The following TENM4 variants were observed in gnomAD, a reference collection of about 807,000 sequenced individuals.
The protein encoded by TENM4 is teneurin transmembrane protein 4, also known as teneurin-4.
TENM4 carries 82 observed loss-of-function variants against 243.3 expected under a neutral mutation model. The ratio of observed to expected loss-of-function variants is 0.34; its 90% CI spans 0.28 to 0.40. TENM4 has a LOEUF of 0.40. Among genes scored for constraint, TENM4 ranks in the 10% least tolerant of loss-of-function variants. TENM4 has a pLI of 1.00. For missense variants in TENM4, 3,138 were observed against 3,673.3 expected, an observed-to-expected ratio of 0.85 and a Z score of 3.77; for synonymous variants, 1,412 against 1,456.3, an observed-to-expected ratio of 0.97 and a Z score of 0.69.
chr11:78,822,618 T>C (rs989157979), intron 12 of TENM4, among the ~76,000 whole-genome samples: 1 of 152,174 alleles, frequency 6.6e-6, no homozygotes, highest in Middle Eastern at 3.4e-3. Context: ...TTAAGGCATG[T>C]GGGGCTTAAT....
chr11:79,172,381 T>C (rs1476821591), intron 3 of TENM4, among the ~76,000 whole-genome samples: 2 of 152,194 alleles, frequency 1.3e-5, no homozygotes, highest in African/African-American at 4.8e-5. Context: ...ATTCATTCAC[T>C]TATCCATTTA....
At chr11:79,141,211 C>T (rs1012817836) in intron 4 of TENM4, among the ~76,000 whole-genome samples, 6 of 151,956 alleles carry the variant, frequency 3.9e-5, no homozygotes, top group African/African-American at 9.7e-5. Flanking sequence ...ATTAAATCAG[C>T]GGCTCTTATT....
At chr11:78,839,121 T>C (rs1248062393) in intron 12 of TENM4, among the ~76,000 whole-genome samples, 1 of 152,224 alleles carries the variant, frequency 6.6e-6, no homozygotes, top group Non-Finnish European at 1.5e-5. Context: ...CCTTTCATGA[T>C]TCTTCTTCCT....
intron 2 of TENM4, among the ~76,000 whole-genome samples, chr11:79,253,944 T>A (rs1291359305): frequency 6.6e-6 from 1 of 152,180 alleles, no homozygotes; most frequent in Non-Finnish European, 1.5e-5. Flanking sequence ...TTGGTCACAC[T>A]GATAGTTAAA....
intron 6 of TENM4, among the ~76,000 whole-genome samples, chr11:79,033,770 A>G (rs959571875): frequency 2.0e-5 from 3 of 152,244 alleles, no homozygotes; most frequent in Non-Finnish European, 4.4e-5. Flanking sequence ...CTAAGCAAAT[A>G]TAAATAAATA....
chr11:79,115,787 C>A (rs1261773247), intron 4 of TENM4, among the ~76,000 whole-genome samples: 1 of 152,216 alleles, frequency 6.6e-6, no homozygotes, highest in Non-Finnish European at 1.5e-5. Context: ...GCCCAAGGGC[C>A]TTCAGTAGCA....
intron 1 of TENM4, among the ~76,000 whole-genome samples, chr11:79,318,899 G>A (rs1404391095): frequency 6.6e-6 from 1 of 152,154 alleles, no homozygotes; most frequent in Non-Finnish European, 1.5e-5. Context: ...GAGGAAGTGG[G>A]TGATCTGACT....
chr11:78,996,055 C>T (rs1357602985), intron 6 of TENM4, among the ~76,000 whole-genome samples: 2 of 152,192 alleles, frequency 1.3e-5, no homozygotes, highest in Non-Finnish European at 2.9e-5. Flanking sequence ...GCAAGGAGGA[C>T]TGTTTCCTTA....
At chr11:78,713,901 T>A (rs1335207913) in intron 25 of TENM4, among the ~76,000 whole-genome samples, 1 of 152,148 alleles carries the variant, frequency 6.6e-6, no homozygotes, top group Non-Finnish European at 1.5e-5. Flanking sequence ...TAATTTTAAG[T>A]TCCTGTGCAT....
chr11:79,286,635 C>T (rs1590852484), intron 2 of TENM4, among the ~76,000 whole-genome samples: 1 of 152,076 alleles, frequency 6.6e-6, no homozygotes, highest in East Asian at 1.9e-4. Flanking sequence ...TGCCACGGCA[C>T]TCCAGCCTGG....
At chr11:78,878,459 G>T (rs1047003805) in intron 9 of TENM4, among the ~76,000 whole-genome samples, 3 of 152,220 alleles carry the variant, frequency 2.0e-5, no homozygotes, top group Non-Finnish European at 4.4e-5. Flanking sequence ...AGCAGGAGAG[G>T]CTCACAGATG....
chr11:78,881,386 G>A (rs1213623687), intron 9 of TENM4, among the ~76,000 whole-genome samples: 1 of 152,178 alleles, frequency 6.6e-6, no homozygotes, highest in Admixed American at 6.5e-5. Flanking sequence ...GGTTGTCAGG[G>A]TGGGAAGAGA....
At chr11:79,416,730 A>G (rs991777082) in intron 1 of TENM4, among the ~76,000 whole-genome samples, 1 of 152,170 alleles carries the variant, frequency 6.6e-6, no homozygotes, top group Non-Finnish European at 1.5e-5. Context: ...TCAAGTCACA[A>G]ATTAATTGGT....
At chr11:78,788,923 C>A (rs980634539) in intron 15 of TENM4, among the ~76,000 whole-genome samples, 1 of 152,150 alleles carries the variant, frequency 6.6e-6, no homozygotes, top group African/African-American at 2.4e-5. Context: ...TAATCTACCC[C>A]CAAGACCTGG....
chr11:79,364,602 C>G (rs1429003240), intron 1 of TENM4, among the ~76,000 whole-genome samples: 2 of 152,162 alleles, frequency 1.3e-5, no homozygotes, highest in Non-Finnish European at 2.9e-5. Flanking sequence ...AAATAATGAG[C>G]ACTTATTAAA....
intron 12 of TENM4, among the ~76,000 whole-genome samples, chr11:78,849,441 A>G (rs1858480088): frequency 6.6e-6 from 1 of 152,224 alleles, no homozygotes; most frequent in African/African-American, 2.4e-5. Context: ...GGGCTAGTCA[A>G]CCAAGCTTTC....
chr11:78,813,626 C>G (rs554940600), intron 13 of TENM4, among the ~76,000 whole-genome samples: 30 of 152,338 alleles, frequency 2.0e-4, no homozygotes, highest in Admixed American at 2.0e-3. Flanking sequence ...GCCAAATTAT[C>G]AGGACTGCAG....
chr11:79,051,877 A>T (rs1263058925), intron 6 of TENM4, among the ~76,000 whole-genome samples: 1 of 152,078 alleles, frequency 6.6e-6, no homozygotes, highest in Non-Finnish European at 1.5e-5. Flanking sequence ...GCAGTGTCTG[A>T]TTTTCCATTT....
chr11:79,275,875 T>C (rs1348862985), intron 2 of TENM4, among the ~76,000 whole-genome samples: 1 of 152,216 alleles, frequency 6.6e-6, no homozygotes, highest in Non-Finnish European at 1.5e-5. Flanking sequence ...CCTAAGACCC[T>C]AGCAGAAGGG....
Sources: gnomAD v4.1 joint callset for allele counts (sites outside exome capture counted in the v4.1 genomes callset) on GRCh38, gnomAD v4.1.1 for gene constraint, MANE v1.5 for transcripts, NCBI Gene and HGNC (gene_info 2026-07-23, HGNC 2026-07-21) for gene names.